The following FRA10AC1 variants were observed in gnomAD, a reference collection of about 807,000 sequenced individuals.
FRA10AC1 encodes protein FRA10AC1.
Under a neutral mutation model 56.5 loss-of-function variants are expected in FRA10AC1, and 43 were observed. The ratio of observed to expected loss-of-function variants is 0.76; its 90% CI spans 0.60 to 0.98. The LOEUF (loss-of-function observed/expected upper bound fraction) is 0.98. FRA10AC1 is among the 50% of genes least tolerant of loss of function. The pLI, the probability that FRA10AC1 is intolerant of heterozygous loss-of-function variation, is 0.00. For synonymous variants in FRA10AC1, 112 were observed against 110.5 expected (o/e 1.01, Z -0.09); for missense variants, 346 against 351.8 (o/e 0.98, Z 0.13).
chr10:93,691,316 T>C (rs896701960), intron 7 of FRA10AC1, among the ~76,000 whole-genome samples: 4 of 152,000 alleles, frequency 2.6e-5, no homozygotes, highest in African/African-American at 9.7e-5. Flanking sequence ...GCTAGAACTA[T>C]AGGCATGCAC....
At chr10:93,689,913 A>G (rs1401751056) in intron 7 of FRA10AC1, among the ~76,000 whole-genome samples, 2 of 152,170 alleles carry the variant, frequency 1.3e-5, no homozygotes, top group Non-Finnish European at 2.9e-5. Flanking sequence ...TAAACTTTCC[A>G]GCTCATTTAA....
intron 12 of FRA10AC1, chr10:93,671,701 G>A (rs752051192): frequency 2.6e-5 from 5 of 194,478 alleles, no homozygotes; most frequent in Non-Finnish European, 4.2e-5. Flanking sequence ...TTTTTAAAAA[G>A]TTACAAAAAG....
At chr10:93,676,077 A>C (rs79126719) in intron 12 of FRA10AC1, among the ~76,000 whole-genome samples, 2,725 of 152,300 alleles carry the variant, frequency 0.018, 32 homozygotes, top group Middle Eastern at 0.058. Context: ...CAAATCTGTG[A>C]TCTATCTCTG....
chr10:93,677,688 A>C (rs969660534), intron 11 of FRA10AC1, among the ~76,000 whole-genome samples: 5 of 152,178 alleles, frequency 3.3e-5, no homozygotes, highest in African/African-American at 1.2e-4. Flanking sequence ...GAAATGTTGA[A>C]CCAATGCAGA....
Position 93,692,843 on chromosome 10 carries a change from T to C in FRA10AC1, c.297-114A>G, listed in dbSNP as rs1001212513. On this transcript the variant is annotated intron_variant, in intron 5 of 13. Coordinates refer to ENST00000359204, the MANE Select transcript of FRA10AC1 (RefSeq NM_145246.5). ...TAAAAATATAATACATGAAGATAGT[T>C]TTTTGGTGAGTATAAATTTGTTCAC... 16 of 568,342 alleles carry C rather than the reference T, an allele frequency of 2.8e-5. No individual in the cohort carries two copies. In the Admixed American group the frequency reaches 4.4e-4, roughly 16 times the overall value. 35.2% of individuals were successfully genotyped at this position (568,342 alleles called of 1,614,324 possible). A position where few individuals can be genotyped will look rare whatever the true frequency, so the allele number is the denominator to read the frequency against.
At chr10:93,691,949 AT>A (rs1185057762) in intron 7 of FRA10AC1, 59 bp downstream of exon 7, 11 of 1,485,646 alleles carry the variant, frequency 7.4e-6, no homozygotes, top group East Asian at 2.5e-5. Context: ...TGACAGTATA[AT>A]AAAAGTTAAT....
intron 11 of FRA10AC1, among the ~76,000 whole-genome samples, chr10:93,680,393 A>G (rs749770127): frequency 4.6e-4 from 70 of 152,316 alleles, no homozygotes; most frequent in Middle Eastern, 3.4e-3. Flanking sequence ...TCAATAAGCA[A>G]TAAAATAACA....
Position 93,687,758 on chromosome 10 carries a change from T to C in FRA10AC1, c.466-309A>G, listed in dbSNP as rs553779361. 21 of 182,316 alleles carry C rather than the reference T, an allele frequency of 1.2e-4. No individual in the cohort carries two copies. The South Asian group carries it at 3.0e-3, about 26-fold the overall frequency. 11.3% of individuals were successfully genotyped at this position (182,316 alleles called of 1,614,324 possible). The stretch of plus-strand genomic sequence containing the variant: ...AAGAGGTTATGGTATAGTAAAGAGG[T>C]AGTATATTCTAGTACAAAAAAGTAC... On this transcript the variant is annotated intron_variant, in intron 7 of 13. Coordinates refer to ENST00000359204, the MANE Select transcript of FRA10AC1 (RefSeq NM_145246.5).
chr10:93,685,415 T>A, intron 8 of FRA10AC1, 56 bp from the exon 9 acceptor site: 1 of 795,494 alleles, frequency 1.3e-6, no homozygotes, highest in Non-Finnish European at 2.1e-6. Context: ...TTTATCTATA[T>A]GATCTAGTAT....
At chr10:93,674,301 T>C (rs2133895027) in intron 12 of FRA10AC1, 1 of 152,324 alleles carries the variant, frequency 6.6e-6, no homozygotes, top group African/African-American at 2.4e-5. Flanking sequence ...AAATTGAGTT[T>C]TTCTCCATGG....
At chr10:93,697,284 G>C (rs569835456) in intron 4 of FRA10AC1, among the ~76,000 whole-genome samples, 6 of 152,224 alleles carry the variant, frequency 3.9e-5, no homozygotes, top group Admixed American at 1.3e-4. Flanking sequence ...TGGCAGATGA[G>C]ATCCATGGAA....
rs1248584476 is a variant in FRA10AC1 at position 93,672,134 on chromosome 10, C to A, written c.827-1286G>T. ...AATGTGGCCTGTCAATACAGAATGT[C>A]CTTTAGTTAAACACAACATAAAAAT... On this transcript the variant is annotated intron_variant, in intron 12 of 13. Coordinates refer to ENST00000359204, the MANE Select transcript of FRA10AC1 (RefSeq NM_145246.5). 1.2e-5 allele frequency: 5 copies of A among 417,962 alleles called. No homozygotes were observed. In the Admixed American group the frequency reaches 1.3e-4, roughly 10 times the overall value. 25.9% of individuals were successfully genotyped at this position (417,962 alleles called of 1,614,324 possible).
intron 12 of FRA10AC1, chr10:93,673,910 T>C (rs1371073272): frequency 1.2e-5 from 3 of 257,894 alleles, no homozygotes; most frequent in Non-Finnish European, 7.8e-6. Context: ...AGAATAGACA[T>C]ACAGTTGATT....
At chr10:93,681,459 C>T (rs746823411) in intron 11 of FRA10AC1, 21 bp downstream of exon 11, 49 of 1,451,780 alleles carry the variant, frequency 3.4e-5, no homozygotes, top group Non-Finnish European at 4.3e-5. Context: ...GAGTAGATGC[C>T]TTATCTTAAT....
chr10:93,685,137 C>T, intron 9 of FRA10AC1, 109 bp downstream of exon 9: 1 of 636,612 alleles, frequency 1.6e-6, no homozygotes, highest in Non-Finnish European at 2.7e-6. Flanking sequence ...AAAAAGAGCA[C>T]TTCCAGAAAG....
chr10:93,700,236 C>CA lies in FRA10AC1; in HGVS notation c.1-131dup, dbSNP rs1223436363. ...GGATCATTGTGGGCAGATTCCTATT[C>CA]ACAGGCCATCTAGCCATCTAAAACT... is the stretch of plus-strand genomic sequence containing the variant. On this transcript the variant is annotated intron_variant, in intron 1 of 13. Coordinates refer to ENST00000359204, the MANE Select transcript of FRA10AC1 (RefSeq NM_145246.5). 5.5e-6 allele frequency: 3 copies of CA among 543,566 alleles called. No individual in the cohort carries two copies. In the African/African-American group the frequency reaches 5.8e-5, roughly 11 times the overall value. The allele number at this position is 543,566 out of a possible 1,614,324, so 33.7% of individuals were successfully genotyped here.
intron 11 of FRA10AC1, among the ~76,000 whole-genome samples, chr10:93,679,607 G>A (rs1423390779): frequency 1.3e-5 from 2 of 152,132 alleles, no homozygotes; most frequent in South Asian, 2.1e-4. Context: ...GAGTGTGAAC[G>A]TGAGGTACAG....
chr10:93,687,286 T>C, intron 8 of FRA10AC1, 118 bp downstream of exon 8: 1 of 787,230 alleles, frequency 1.3e-6, no homozygotes, highest in Non-Finnish European at 1.9e-6. Flanking sequence ...CCTTCTCTAA[T>C]TTTACTTTTG....
chr10:93,684,439 T>C (rs2058989662), intron 9 of FRA10AC1, among the ~76,000 whole-genome samples: 1 of 151,946 alleles, frequency 6.6e-6, no homozygotes. Context: ...TCCTCTGAAG[T>C]GCTCTAAGAA....
Sources: allele counts gnomAD v4.1 joint callset (sites outside exome capture counted in the v4.1 genomes callset), GRCh38; gene constraint gnomAD v4.1.1; transcripts MANE v1.5; gene names NCBI Gene and HGNC (gene_info 2026-07-23, HGNC 2026-07-21).